Variants in CALN1 observed in about 807,000 individuals in gnomAD.
CALN1 encodes the protein calcium-binding protein 8.
A neutral mutation model predicts 30.6 loss-of-function variants in CALN1; 17 were observed. That is an observed-to-expected ratio of 0.56 (90% CI 0.38 to 0.83). CALN1 has a LOEUF of 0.83. CALN1 is among the 40% of genes least tolerant of loss of function. The pLI is 0.00. For synonymous variants in CALN1, 156 were observed against 131.4 expected (o/e 1.19, Z -1.28); for missense variants, 291 against 354.9 (o/e 0.82, Z 1.45).
At chr7:72,428,246 T>C (rs1807858929) in intron 1 of CALN1, among the ~76,000 whole-genome samples, 1 of 152,016 alleles carries the variant, frequency 6.6e-6, no homozygotes, top group African/African-American at 2.4e-5. Flanking sequence ...CTCCTACAAA[T>C]AGTAATCATA....
chr7:72,463,324 G>T, the CALN1 span, among the ~76,000 whole-genome samples: 1 of 152,122 alleles, frequency 6.6e-6, no homozygotes, highest in African/African-American at 2.4e-5. Flanking sequence ...GTTCCACCAG[G>T]TACTTTTAGT....
intron 5 of CALN1, among the ~76,000 whole-genome samples, chr7:71,860,427 G>A (rs937714737): frequency 2.0e-5 from 3 of 152,172 alleles, no homozygotes; most frequent in Admixed American, 1.3e-4. Flanking sequence ...TCCTGACCTC[G>A]TGATCCTCCC....
At chr7:72,338,068 G>A (rs1802183289) in intron 2 of CALN1, among the ~76,000 whole-genome samples, 1 of 152,160 alleles carries the variant, frequency 6.6e-6, no homozygotes, top group South Asian at 2.1e-4. Flanking sequence ...GTGCAACCAA[G>A]GTTTGTCTTG....
rs1286968855 is a variant in CALN1 at position 72,174,979 on chromosome 7, G to A, written c.245-68685C>T. Reference sequence around the variant, plus strand: ...GCTCTGTCTTTGGTCTCTTTATTGGGTGGTAGTATTATAGGTATATACTTA... The same window carrying A: ...GCTCTGTCTTTGGTCTCTTTATTGGATGGTAGTATTATAGGTATATACTTA... On this transcript the variant is annotated intron_variant, in intron 3 of 6. Transcript: ENST00000395275. 2.0e-5 allele frequency among the ~76,000 whole-genome samples: 3 copies of A among 150,310 alleles called. No individual in the cohort carries two copies. The East Asian group carries it at 5.9e-4, about 30-fold the overall frequency.
chr7:72,385,132 A>G (rs957165002), intron 2 of CALN1, among the ~76,000 whole-genome samples: 5 of 152,256 alleles, frequency 3.3e-5, no homozygotes, highest in African/African-American at 7.2e-5. Context: ...TGACTAGAAC[A>G]TGTTTTAAAA....
chr7:72,024,072 C>T (rs1399312213), intron 4 of CALN1, among the ~76,000 whole-genome samples: 3 of 152,152 alleles, frequency 2.0e-5, no homozygotes, highest in Admixed American at 6.5e-5. Context: ...CCTTTTACTC[C>T]GAATTGCCCA....
chr7:72,298,328 C>T (rs902323984), intron 2 of CALN1, among the ~76,000 whole-genome samples: 1 of 152,220 alleles, frequency 6.6e-6, no homozygotes, highest in South Asian at 2.1e-4. Flanking sequence ...CTGCAGCCAT[C>T]TTCCATCTCA....
intron 4 of CALN1, among the ~76,000 whole-genome samples, chr7:72,033,007 T>C (rs1212284787): frequency 6.6e-6 from 1 of 152,234 alleles, no homozygotes; most frequent in Non-Finnish European, 1.5e-5. Flanking sequence ...AATTCTTTTA[T>C]CACTCTTGAA....
chr7:71,884,266 T>C (rs975486109), intron 5 of CALN1, among the ~76,000 whole-genome samples: 1 of 152,064 alleles, frequency 6.6e-6, no homozygotes, highest in African/African-American at 2.4e-5. Flanking sequence ...GGGGATGGGT[T>C]TGCATAGACC....
the CALN1 span, among the ~76,000 whole-genome samples, chr7:72,486,488 C>T: frequency 6.6e-6 from 1 of 152,092 alleles, no homozygotes; most frequent in African/African-American, 2.4e-5. Flanking sequence ...TATCCTGCCT[C>T]AGCCTCCTGA....
At chr7:71,952,786 G>A (rs1796761154) in intron 5 of CALN1, among the ~76,000 whole-genome samples, 1 of 152,016 alleles carries the variant, frequency 6.6e-6, no homozygotes, top group Admixed American at 6.6e-5. Context: ...TTGTCGGCTC[G>A]GCCCCTGTAG....
At chr7:72,021,639 G>A (rs1364646962) in intron 5 of CALN1, among the ~76,000 whole-genome samples, 6 of 152,114 alleles carry the variant, frequency 3.9e-5, no homozygotes, top group Non-Finnish European at 8.8e-5. Context: ...GGATTCACGA[G>A]CCCCTGTCTC....
chr7:71,830,820 G>A (rs889096816), intron 5 of CALN1, among the ~76,000 whole-genome samples: 3 of 152,182 alleles, frequency 2.0e-5, no homozygotes, highest in African/African-American at 7.2e-5. Context: ...TGGTTGTTAT[G>A]TGGATAGAAC....
chr7:72,332,105 G>A (rs1801717929), intron 2 of CALN1, among the ~76,000 whole-genome samples: 1 of 152,098 alleles, frequency 6.6e-6, no homozygotes, highest in African/African-American at 2.4e-5. Context: ...TATCACTGAT[G>A]GGCATGTAAG....
chr7:72,171,197 G>C (rs1032629238), intron 3 of CALN1, among the ~76,000 whole-genome samples: 6 of 152,078 alleles, frequency 3.9e-5, no homozygotes, highest in African/African-American at 1.2e-4. Context: ...GTCAAAATTA[G>C]GTATTGGCTG....
Position 72,205,553 on chromosome 7 carries a change from T to TATATAC in CALN1, c.244+73132_244+73133insGTATAT, listed in dbSNP as rs1300600174. Among the ~76,000 whole-genome samples the TATATAC allele has an allele frequency of 0.016, 908 of 56,324 alleles. 174 individuals are homozygous for TATATAC. In the East Asian group the frequency reaches 0.48, roughly 30 times the overall value. 37.0% of individuals were successfully genotyped at this position (56,324 alleles called of 152,430 possible). On this transcript the variant is annotated intron_variant, in intron 3 of 6. Transcript: ENST00000395275. ...TTTTCTCCTGATTGCAAAAAAAAAA[T>TATATAC]ATATATATATATATGTATATATATA... is the stretch of plus-strand genomic sequence containing the variant.
chr7:72,070,914 CTTAA>C (rs1229368756), intron 4 of CALN1, among the ~76,000 whole-genome samples: 1 of 152,106 alleles, frequency 6.6e-6, no homozygotes, highest in African/African-American at 2.4e-5. Flanking sequence ...AATGCAAAGG[CTTAA>C]TTGAGTTCAC....
At chr7:72,359,577 T>C (rs1803436847) in intron 2 of CALN1, among the ~76,000 whole-genome samples, 1 of 152,130 alleles carries the variant, frequency 6.6e-6, no homozygotes, top group Non-Finnish European at 1.5e-5. Context: ...ACAGTGAAGA[T>C]AACAACACAT....
intron 3 of CALN1, among the ~76,000 whole-genome samples, chr7:72,235,192 T>C (rs1794393833): frequency 6.6e-6 from 1 of 152,044 alleles, no homozygotes; most frequent in African/African-American, 2.4e-5. Flanking sequence ...GAGGATCACA[T>C]GAGCCCAGGA....
Sources: gnomAD v4.1 joint callset for allele counts (sites outside exome capture counted in the v4.1 genomes callset) on GRCh38, gnomAD v4.1.1 for gene constraint, MANE v1.5 for transcripts, NCBI Gene and HGNC (gene_info 2026-07-23, HGNC 2026-07-21) for gene names.